The following SCUBE1 variants were observed in gnomAD, a reference collection of about 807,000 sequenced individuals.
SCUBE1 encodes the protein signal peptide, CUB and EGF-like domain-containing protein 1.
Under a neutral mutation model 124.4 loss-of-function variants are expected in SCUBE1, and 59 were observed. That is an observed-to-expected ratio of 0.47 (90% confidence interval 0.38 to 0.59). The LOEUF (loss-of-function observed/expected upper bound fraction) is 0.59. Ranked by LOEUF, SCUBE1 falls within the 20% of genes least tolerant of loss-of-function variation. The pLI, the probability that SCUBE1 is intolerant of heterozygous loss-of-function variation, is 0.00. For synonymous variants in SCUBE1, 545 were observed against 550.9 expected (o/e 0.99, Z 0.15); for missense variants, 1,150 against 1,371.2 (o/e 0.84, Z 2.55).
chr22:43,229,929 C>A (rs145983542), intron 8 of SCUBE1, among the ~76,000 whole-genome samples: 1 of 152,178 alleles, frequency 6.6e-6, no homozygotes, highest in Non-Finnish European at 1.5e-5. Context: ...GCAAAACAGA[C>A]GCCAACCTGC....
At position 43,203,910 on chromosome 22, in the gene SCUBE1, G is replaced by T. The variant is rs117012880; in HGVS notation, c.*87C>A. 3.2e-5 allele frequency: 44 copies of T among 1,390,464 alleles called. No homozygotes were observed. In the East Asian group the frequency reaches 9.6e-4, roughly 30 times the overall value. The allele number at this position is 1,390,464 out of a possible 1,614,324, so 86.1% of individuals were successfully genotyped here. On this transcript the variant is annotated 3_prime_UTR_variant, in exon 22 of 22. Transcript: ENST00000360835. ...GCAGTGCCATGGGGTTCCCAAGGTG[G>T]TGTGGAGGCCCATGCAGCTCCCACT...
chr22:43,271,663 T>C (rs564044293), intron 4 of SCUBE1, among the ~76,000 whole-genome samples: 4 of 152,232 alleles, frequency 2.6e-5, no homozygotes, highest in African/African-American at 9.6e-5. Context: ...TTACATTCTC[T>C]GGGGCAAATC....
intron 7 of SCUBE1, among the ~76,000 whole-genome samples, chr22:43,237,419 G>C (rs1453813038): frequency 6.6e-6 from 1 of 152,204 alleles, no homozygotes; most frequent in Non-Finnish European, 1.5e-5. Context: ...CTGGCAGGCT[G>C]TGCCATCGCC....
chr22:43,326,694 A>G (rs901460355), intron 2 of SCUBE1, among the ~76,000 whole-genome samples: 1 of 152,184 alleles, frequency 6.6e-6, no homozygotes, highest in Non-Finnish European at 1.5e-5. Context: ...GCTCAGCCAG[A>G]GGGTGGGAAG....
At chr22:43,270,784 A>T (rs1476369674) in intron 4 of SCUBE1, among the ~76,000 whole-genome samples, 1 of 152,212 alleles carries the variant, frequency 6.6e-6, no homozygotes, top group Non-Finnish European at 1.5e-5. Context: ...CTGCAGAGGG[A>T]ACTTTCTAGT....
chr22:43,259,817 A>C (rs1229685706), intron 5 of SCUBE1, among the ~76,000 whole-genome samples: 1 of 152,194 alleles, frequency 6.6e-6, no homozygotes, highest in Non-Finnish European at 1.5e-5. Flanking sequence ...TCTAGGGGGA[A>C]ATTTCAGGGA....
intron 2 of SCUBE1, among the ~76,000 whole-genome samples, chr22:43,328,771 C>G (rs1926809846): frequency 6.6e-6 from 1 of 152,146 alleles, no homozygotes; most frequent in Non-Finnish European, 1.5e-5. Flanking sequence ...TGGACTTCCT[C>G]TCCATTGTAA....
chr22:43,218,482 C>G, intron 14 of SCUBE1, 24 bp from the exon 15 acceptor site: 1 of 1,602,308 alleles, frequency 6.2e-7, no homozygotes, highest in Non-Finnish European at 8.5e-7. Flanking sequence ...AGAGACAGAA[C>G]ATGAATCGCT....
intron 3 of SCUBE1, among the ~76,000 whole-genome samples, chr22:43,295,951 G>A (rs796137821): frequency 3.9e-5 from 6 of 152,298 alleles, no homozygotes; most frequent in African/African-American, 7.2e-5. Context: ...TGGAGGAGGC[G>A]GAGGTGTTCT....
rs1352484142 is a variant in SCUBE1 at position 43,204,054 on chromosome 22, C to A, written c.2910G>T (p.Arg970=). The change falls in exon 22 of 22, where the codon CGG becomes CGT. Residue 970 remains arginine, a synonymous_variant. Transcript: ENST00000360835. The stretch of plus-strand genomic sequence containing the variant: ...TGGAGCGCAGCAGTTTGATGAAGGA[C>A]CGTGGGAACATCTCCTTGGATTCCT... ...TAQESKEMFP[R]SFIKLLRSKV... 1 of 1,614,140 alleles carries A rather than the reference C, an allele frequency of 6.2e-7. No homozygotes were observed. The highest frequency in any genetic ancestry group is 8.5e-7 in the Non-Finnish European group (1 of 1,180,022).
intron 3 of SCUBE1, among the ~76,000 whole-genome samples, chr22:43,293,490 C>G (rs181230095): frequency 7.5e-4 from 114 of 152,372 alleles, no homozygotes; most frequent in African/African-American, 2.4e-3. Flanking sequence ...CTGCGAAGAG[C>G]CGGCTGCTCC....
At chr22:43,332,970 G>A (rs1221096994) in intron 2 of SCUBE1, among the ~76,000 whole-genome samples, 1 of 152,218 alleles carries the variant, frequency 6.6e-6, no homozygotes, top group South Asian at 2.1e-4. Context: ...TCCACACCCT[G>A]TGCCAGGCCC....
chr22:43,198,023 T>C lies in SCUBE1; in HGVS notation c.*5974A>G, dbSNP rs1270653878. On this transcript the variant is annotated 3_prime_UTR_variant, in exon 22 of 22. Transcript: ENST00000360835. ...ACCCTTGGATTAGATGGGCTTGAGT[T>C]TGATTCCCAAATCCAGGGACTACCA... The C allele has an allele frequency of 1.3e-5, 2 of 154,292 alleles. No homozygotes were observed. Among genetic ancestry groups the C allele is most frequent in the African/African-American group, 4.8e-5 (2 of 41,480 alleles). The allele number at this position is 154,292 out of a possible 1,614,324, so 9.6% of individuals were successfully genotyped here.
At chr22:43,328,354 A>G (rs1023866465) in intron 2 of SCUBE1, among the ~76,000 whole-genome samples, 2 of 151,986 alleles carry the variant, frequency 1.3e-5, no homozygotes, top group Admixed American at 1.3e-4. Context: ...CAAGGCCCCT[A>G]TTCCACCCTC....
chr22:43,206,536 C>T (rs946122816), intron 21 of SCUBE1, among the ~76,000 whole-genome samples: 17 of 152,080 alleles, frequency 1.1e-4, no homozygotes, highest in Admixed American at 3.9e-4. Context: ...GAGGGGCACG[C>T]GGGACCTAAG....
At chr22:43,306,890 G>A (rs938586561) in intron 3 of SCUBE1, among the ~76,000 whole-genome samples, 1 of 152,194 alleles carries the variant, frequency 6.6e-6, no homozygotes, top group African/African-American at 2.4e-5. Flanking sequence ...ACAGGCCATC[G>A]CTGGCCGAGG....
intron 21 of SCUBE1, among the ~76,000 whole-genome samples, chr22:43,206,718 C>A (rs1293960677): frequency 6.6e-6 from 1 of 152,146 alleles, no homozygotes; most frequent in Non-Finnish European, 1.5e-5. Context: ...GGATGGCCCT[C>A]CGGCTGAGGT....
chr22:43,338,992 A>C (rs946650623), intron 2 of SCUBE1, 112 bp downstream of exon 2: 3 of 1,279,404 alleles, frequency 2.3e-6, no homozygotes, highest in Non-Finnish European at 3.3e-6. Context: ...AGCAACCACA[A>C]TGGTGGTGCT....
At chr22:43,276,327 C>T (rs142316843) in intron 4 of SCUBE1, among the ~76,000 whole-genome samples, 17 of 152,190 alleles carry the variant, frequency 1.1e-4, no homozygotes, top group Non-Finnish European at 1.8e-4. Flanking sequence ...GGATCGGGGG[C>T]TGAGGAGGAA....
Sources: gnomAD v4.1 joint callset for allele counts (sites outside exome capture counted in the v4.1 genomes callset) on GRCh38, gnomAD v4.1.1 for gene constraint, MANE v1.5 for transcripts, NCBI Gene and HGNC (gene_info 2026-07-23, HGNC 2026-07-21) for gene names.